ZNF654: variants seen among roughly 807,000 people sequenced by gnomAD.
ZNF654 encodes the protein melanoma-associated antigen.
ZNF654 carries 19 observed loss-of-function variants against 95.3 expected under a neutral mutation model. The observed-to-expected ratio is 0.20, with a 90% CI of 0.14 to 0.29. The LOEUF is 0.29. ZNF654 is among the 10% of genes least tolerant of loss of function. The pLI is 1.00. For synonymous variants in ZNF654, 413 were observed against 457.9 expected, an observed-to-expected ratio of 0.90 and a Z score of 1.25; for missense variants, 1,046 against 1,341.0, an observed-to-expected ratio of 0.78 and a Z score of 3.44.
chr3:88,141,004 A>T lies in ZNF654; in HGVS notation c.3335A>T (p.Gln1112Leu), dbSNP rs1707093644. The T allele has an allele frequency of 6.2e-7, 1 of 1,611,392 alleles. No individual in the cohort carries two copies. Among genetic ancestry groups the T allele is most frequent in the Non-Finnish European group, 8.5e-7 (1 of 1,178,780 alleles). Residue 1112 changes from glutamine (Q) to leucine (L), a missense_variant, in exon 8 of 9, where the codon CAA (glutamine) becomes CTA (leucine). Gln to Leu is a moderately radical substitution (Grantham distance 113). This residue lies in a region of ZNF654 where 59 missense variants were observed against 73.0 expected (regional missense o/e 0.81). Coordinates refer to ENST00000636215, the MANE Select transcript of ZNF654 (RefSeq NM_001350134.2). ...GAAGCACTTGAGGCTCATCTTGCAC[A>T]AAAGAAATGTCAGACACTCTTTGGA... ...NAEALEAHLA[Q>L]KKCQTLFGFD...
intron 2 of ZNF654, chr3:88,095,301 C>A: frequency 4.7e-6 from 1 of 212,416 alleles, no homozygotes; most frequent in Non-Finnish European, 9.3e-6. Context: ...CAGTGATAAG[C>A]ATATTTTATC....
At position 88,139,863 on chromosome 3, in the gene ZNF654, T is replaced by G; in HGVS notation, c.2194T>G (p.Cys732Gly). 1 of 1,603,252 alleles carries G rather than the reference T, an allele frequency of 6.2e-7. No homozygotes were observed. Among genetic ancestry groups the G allele is most frequent in the Non-Finnish European group, 8.5e-7 (1 of 1,174,304 alleles). ...AATTCATAAAATCAATGGAACTGTG[T>G]GCCATCCAAAAGACATATATGCCAC... ...SVIHKINGTV[C>G]HPKDIYATDQ... is the part of the protein sequence containing the mutation. The change falls in exon 8 of 9, where the codon TGC becomes GGC. Residue 732 changes from cysteine (C) to glycine (G), a missense_variant. This residue lies in a region of ZNF654 where 495 missense variants were observed against 537.0 expected (regional missense o/e 0.92). Transcript: ENST00000636215.
intron 1 of ZNF654, 142 bp downstream of exon 1, chr3:88,059,647 C>T (rs1457875421): frequency 5.0e-5 from 64 of 1,273,534 alleles, no homozygotes; most frequent in Non-Finnish European, 6.4e-5. Context: ...GCTCCCTCCT[C>T]CACTTATCCG....
At position 88,140,096 on chromosome 3, in the gene ZNF654, T is replaced by C. The variant is rs367766744; in HGVS notation, c.2427T>C (p.His809=). The change falls in exon 8 of 9, where the codon CAT becomes CAC. Residue 809 remains histidine, a synonymous_variant. Transcript: ENST00000636215. The stretch of plus-strand genomic sequence containing the variant: ...ATTTTATAGACCACCTTAATAGACA[T>C]AGCTATCCAAATGTGTATTTTTGTT... ...SQHFIDHLNR[H]SYPNVYFCLH... 1.6e-5 allele frequency: 26 copies of C among 1,613,728 alleles called. No individual in the cohort carries two copies. The highest frequency in any genetic ancestry group is 2.0e-5 in the Non-Finnish European group (24 of 1,179,796).
chr3:88,129,695 G>A lies in ZNF654; in HGVS notation c.762G>A (p.Leu254=). The change falls in exon 6 of 9, where the codon TTG becomes TTA. Residue 254 remains leucine (L), a synonymous_variant. Coordinates refer to ENST00000636215, the MANE Select transcript of ZNF654 (RefSeq NM_001350134.2). ...CTCTTTTCCTCTTACAGCATTTATT[G>A]AAAACTGATTGTAAGAGTGGAATTG... ...VEDQLFREHL[L]KTDCKSGIDI... The A allele has an allele frequency of 1.3e-6, 2 of 1,486,084 alleles. No individual in the cohort carries two copies. Among genetic ancestry groups the A allele is most frequent in the Middle Eastern group, 1.8e-4 (1 of 5,580 alleles). 92.1% of individuals were successfully genotyped at this position (1,486,084 alleles called of 1,614,324 possible).
rs369369270 is a variant in ZNF654, at chr3:88,141,666, G to T, written c.*14G>T. ...ACAGGTGCCTGATGAAAACGGTTCA[G>T]AAAGATCTGTCAATCAAGCAGTAGT... On this transcript the variant is annotated 3_prime_UTR_variant, in exon 9 of 9. Coordinates refer to ENST00000636215, the MANE Select transcript of ZNF654 (RefSeq NM_001350134.2). 2.0e-6 allele frequency: 3 copies of T among 1,503,456 alleles called. No individual in the cohort carries two copies. The African/African-American group carries it at 4.1e-5, about 21-fold the overall frequency. 93.1% of individuals were successfully genotyped at this position (1,503,456 alleles called of 1,614,324 possible).
rs77509140 is a variant in ZNF654, at chr3:88,106,951, A to G, written c.333-6164A>G. Among the ~76,000 whole-genome samples, 241 of 152,036 alleles carry G rather than the reference A, an allele frequency of 1.6e-3. 3 individuals carry two copies. Among genetic ancestry groups the G allele is most frequent in the East Asian group, 9.5e-3 (49 of 5,168 alleles). On this transcript the variant is annotated intron_variant, in intron 2 of 8. Transcript: ENST00000636215. ...ATTGTGGTCTCTTTTTGGATTTTCT[A>G]TTGTTTCATTAGCCTATTTGTCTGT...
intron 1 of ZNF654, among the ~76,000 whole-genome samples, chr3:88,065,200 C>T (rs1271056299): frequency 1.3e-5 from 2 of 152,006 alleles, no homozygotes; most frequent in African/African-American, 2.4e-5. Flanking sequence ...GACATCAACT[C>T]GTTTATTATA....
intron 1 of ZNF654, among the ~76,000 whole-genome samples, chr3:88,074,937 C>T (rs890823100): frequency 4.6e-5 from 7 of 152,092 alleles, no homozygotes; most frequent in Non-Finnish European, 2.9e-5. Flanking sequence ...ACTAGGAAAA[C>T]TCATCAAGTG....
chr3:88,114,298 C>T (rs1432659749), intron 3 of ZNF654, among the ~76,000 whole-genome samples: 1 of 152,014 alleles, frequency 6.6e-6, no homozygotes, highest in Non-Finnish European at 1.5e-5. Context: ...AAAGAAATAC[C>T]TCATAGAGAT....
chr3:88,130,403 G>GCC (rs1706378146), intron 6 of ZNF654, among the ~76,000 whole-genome samples: 2 of 151,930 alleles, frequency 1.3e-5, no homozygotes, highest in African/African-American at 4.8e-5. Flanking sequence ...TAGCTTGAAG[G>GCC]CATATAGCTG....
At chr3:88,121,752 A>C (rs1270715191) in intron 3 of ZNF654, among the ~76,000 whole-genome samples, 1 of 152,216 alleles carries the variant, frequency 6.6e-6, no homozygotes, top group African/African-American at 2.4e-5. Flanking sequence ...TTCAAAGATT[A>C]CGTTTTTATA....
rs139519567 is a variant in ZNF654, at chr3:88,120,077, A to AC, written c.415-6057_415-6056insC. Among the ~76,000 whole-genome samples the AC allele has an allele frequency of 1.8e-3, 278 of 151,938 alleles. 1 individual carries two copies. Among genetic ancestry groups the AC allele is most frequent in the African/African-American group, 6.3e-3 (261 of 41,468 alleles). On this transcript the variant is annotated intron_variant, in intron 3 of 8. Coordinates refer to ENST00000636215, the MANE Select transcript of ZNF654 (RefSeq NM_001350134.2). Reference sequence around the variant, plus strand: ...TAAATACATAATTCTACTTATTTAAAAAAAAATCAAATAATGTAACTTATA... The same window carrying AC: ...TAAATACATAATTCTACTTATTTAAACAAAAAATCAAATAATGTAACTTATA...
At chr3:88,080,803 G>T (rs1020171231) in intron 1 of ZNF654, among the ~76,000 whole-genome samples, 1 of 152,178 alleles carries the variant, frequency 6.6e-6, no homozygotes, top group Non-Finnish European at 1.5e-5. Context: ...TGAGGGAAAA[G>T]GTTGGAACAG....
chr3:88,073,322 A>G (rs1341436872), intron 1 of ZNF654, among the ~76,000 whole-genome samples: 1 of 152,248 alleles, frequency 6.6e-6, no homozygotes, highest in African/African-American at 2.4e-5. Flanking sequence ...GAATTGGTAG[A>G]TAATAAGATT....
chr3:88,140,264 A>G lies in ZNF654; in HGVS notation c.2595A>G (p.Glu865=). 1 of 1,613,848 alleles carries G rather than the reference A, an allele frequency of 6.2e-7. No individual in the cohort carries two copies. ...FEDLPLLYEH[E]AQHYLSKTPE... is the part of the protein sequence containing the mutation. ...ATCTTCCTCTGCTGTATGAACATGA[A>G]GCTCAACACTATTTAAGTAAAACAC... The change falls in exon 8 of 9, where the codon GAA becomes GAG. Residue 865 remains glutamate, a synonymous_variant. Coordinates refer to ENST00000636215, the MANE Select transcript of ZNF654 (RefSeq NM_001350134.2).
At chr3:88,081,912 A>G (rs1165414521) in intron 1 of ZNF654, among the ~76,000 whole-genome samples, 1 of 152,204 alleles carries the variant, frequency 6.6e-6, no homozygotes, top group African/African-American at 2.4e-5. Context: ...TATATATACA[A>G]CTACGTTACA....
At chr3:88,118,120 T>A (rs577787450) in intron 3 of ZNF654, among the ~76,000 whole-genome samples, 2 of 152,124 alleles carry the variant, frequency 1.3e-5, no homozygotes, top group South Asian at 4.1e-4. Flanking sequence ...CTGCAAGTGG[T>A]TTAATGAGCC....
intron 2 of ZNF654, among the ~76,000 whole-genome samples, chr3:88,092,729 G>T (rs1703820273): frequency 6.6e-6 from 1 of 151,986 alleles, no homozygotes; most frequent in African/African-American, 2.4e-5. Context: ...TTTTATATAT[G>T]TATAACATTT....
Sources: gnomAD v4.1 joint callset for allele counts (sites outside exome capture counted in the v4.1 genomes callset) on GRCh38, gnomAD v4.1.1 for gene constraint, gnomAD v4.1.1 regional missense constraint, MANE v1.5 for transcripts, NCBI Gene and HGNC (gene_info 2026-07-23, HGNC 2026-07-21) for gene names.